Variants in ELN observed in about 807,000 individuals in gnomAD.
ELN encodes elastin.
ELN carries 65 observed loss-of-function variants against 105.8 expected under a neutral mutation model. The observed-to-expected ratio is 0.61, with a 90% confidence interval of 0.50 to 0.75. ELN has a LOEUF of 0.75. Among genes scored for constraint, ELN ranks in the 30% least tolerant of loss-of-function variants. The probability of loss-of-function intolerance (pLI) is 0.00; values close to 1 mark genes in which losing one functional copy is unlikely to be tolerated. For missense variants in ELN, 882 were observed against 969.4 expected (o/e 0.91, Z 1.20); for synonymous variants, 368 against 389.2 (o/e 0.95, Z 0.64).
chr7:74,052,547 T>C (rs1168204328), intron 17 of ELN: 1 of 176,302 alleles, frequency 5.7e-6, no homozygotes, highest in Non-Finnish European at 1.2e-5. Flanking sequence ...ATCATGCCAC[T>C]GCACTCCAGC....
chr7:74,044,644 A>G (rs1434495411), intron 9 of ELN, among the ~76,000 whole-genome samples: 1 of 152,054 alleles, frequency 6.6e-6, no homozygotes, highest in Non-Finnish European at 1.5e-5. Flanking sequence ...CCCACCCAAC[A>G]TGTGACCTCC....
rs544509428 is a variant in ELN at position 74,063,591 on chromosome 7, G to C, written c.1919-30G>C. 47 of 1,614,146 alleles carry C rather than the reference G, an allele frequency of 2.9e-5. No homozygotes were observed. In the East Asian group the frequency reaches 1.0e-3, roughly 36 times the overall value. ...GGCTTCAGTCCCACCTTTCTGACCAGCGGAGTCTAATGCTCAGCTGTCTCC... is the reference window on the plus strand; with the variant it reads ...GGCTTCAGTCCCACCTTTCTGACCACCGGAGTCTAATGCTCAGCTGTCTCC... On this transcript the variant is annotated intron_variant, in intron 28 of 32. Transcript: ENST00000252034. This position sits in a 1 kb window ranked among gnomAD's most constrained non-coding sequence, Gnocchi z 4.1.
chr7:74,043,358 G>C (rs1239173356), intron 8 of ELN, 190 bp downstream of exon 8: 4 of 876,214 alleles, frequency 4.6e-6, no homozygotes, highest in South Asian at 4.4e-5. Flanking sequence ...CCCACTTCCC[G>C]GGCCCTTCTC....
At chr7:74,062,141 T>C (rs1196195545) in intron 26 of ELN, 1 of 152,276 alleles carries the variant, frequency 6.6e-6, no homozygotes, top group Admixed American at 6.5e-5. Context: ...GCAGCGTTGG[T>C]GGGAGGTGGA....
chr7:74,049,593 GCATCCATCCTTC>G (rs1168180040), intron 15 of ELN, among the ~76,000 whole-genome samples: 114 of 115,918 alleles, frequency 9.8e-4, no homozygotes, highest in Non-Finnish European at 1.5e-3. Context: ...CTCCATGCAT[GCATCCATCCTTC>G]CATCCATCCT....
chr7:74,056,580 C>G (rs1245582121), intron 20 of ELN, 92 bp from the exon 21 acceptor site: 10 of 1,605,666 alleles, frequency 6.2e-6, no homozygotes, highest in Non-Finnish European at 8.5e-6. Flanking sequence ...AGGTCGTATC[C>G]ATGCCTTACA....
intron 32 of ELN, among the ~76,000 whole-genome samples, 179 bp from the exon 33 acceptor site, chr7:74,068,478 C>T (rs782397406): frequency 4.7e-4 from 72 of 152,214 alleles, no homozygotes; most frequent in Non-Finnish European, 8.4e-4. Flanking sequence ...GGGCTTCTCC[C>T]GCCCCATCTG....
chr7:74,058,207 C>CCTT (rs782280024), intron 22 of ELN, among the ~76,000 whole-genome samples: 1 of 149,576 alleles, frequency 6.7e-6, no homozygotes, highest in Admixed American at 6.7e-5. Flanking sequence ...CCTTTCTTCT[C>CCTT]CTTCTTCTTC....
rs782526296 is a variant in ELN at position 74,060,153 on chromosome 7, C to T, written c.1590C>T (p.Ser530=). The T allele has an allele frequency of 3.6e-5, 58 of 1,614,026 alleles. No homozygotes were observed. Among genetic ancestry groups the T allele is most frequent in the Non-Finnish European group, 4.6e-5 (54 of 1,180,040 alleles). The stretch of plus-strand genomic sequence containing the variant: ...TCCCTCCCTCAGCTGCAGCAAAATC[C>T]GCTGCCAAGGTGGCTGCCAAAGCCC... The part of the protein sequence containing the change: ...GPGGVAAAAK[S]AAKVAAKAQL... Residue 530 remains serine (S), a synonymous_variant, in exon 24 of 33, where the codon TCC becomes TCT. Coordinates refer to ENST00000252034, the MANE Select transcript of ELN (RefSeq NM_000501.4).
chr7:74,043,750 C>T (rs1165092492), intron 8 of ELN, 129 bp from the exon 9 acceptor site: 12 of 1,238,384 alleles, frequency 9.7e-6, no homozygotes, highest in Non-Finnish European at 1.4e-5. Flanking sequence ...CACGTCTGTC[C>T]CTGGCTGCCC....
At chr7:74,057,607 T>G in intron 21 of ELN, 33 bp from the exon 22 acceptor site, 2 of 1,600,740 alleles carry the variant, frequency 1.2e-6, no homozygotes, top group Non-Finnish European at 1.7e-6. Flanking sequence ...GTGTGAGAGA[T>G]TACTCTCTCA....
intron 17 of ELN, 77 bp from the exon 18 acceptor site, chr7:74,053,086 T>G: frequency 6.2e-7 from 1 of 1,608,720 alleles, no homozygotes; most frequent in South Asian, 1.1e-5. Flanking sequence ...AACTGTCACT[T>G]CCATACTCTA....
intron 25 of ELN, 133 bp from the exon 26 acceptor site, chr7:74,060,968 C>T (rs1796517561): frequency 1.8e-6 from 2 of 1,084,522 alleles, no homozygotes; most frequent in South Asian, 1.3e-5. Context: ...AAGCTCTGTG[C>T]CTGTACAGCT....
rs782498716 is a variant in ELN at position 74,053,161 on chromosome 7, A to T, written c.950-2A>T. 8.1e-6 allele frequency: 13 copies of T among 1,614,052 alleles called. No individual in the cohort carries two copies. The highest frequency in any genetic ancestry group is 1.0e-5 in the Non-Finnish European group (12 of 1,180,026). On this transcript the variant is annotated splice_acceptor_variant, in intron 17 of 32. Transcript: ENST00000252034. LOFTEE classifies it high-confidence loss of function. ...AGGGGAACAATGCTTTTTCTTCCAC[A>T]GGAGCTGCTGCAGGCTTAGTGCCTG... is the stretch of plus-strand genomic sequence containing the variant.
rs782187270 is a variant in ELN, at chr7:74,063,181, G to T, written c.1815G>T (p.Gly605=). The change falls in exon 27 of 33, where the codon GGG becomes GGT. Residue 605 remains glycine, a synonymous_variant. Coordinates refer to ENST00000252034, the MANE Select transcript of ELN (RefSeq NM_000501.4). The surrounding 1 kb of genome is among the most constrained non-coding windows in gnomAD (Gnocchi z 4.1). ...YGAAVPGVLG[G]LGALGGVGIP... ...CAGCAGTGCCTGGGGTCCTTGGAGGGCTCGGGGCTCTCGGTGGAGTAGGCA... is the reference window on the plus strand; with the variant it reads ...CAGCAGTGCCTGGGGTCCTTGGAGGTCTCGGGGCTCTCGGTGGAGTAGGCA... 1.2e-6 allele frequency: 2 copies of T among 1,609,408 alleles called. No individual in the cohort carries two copies. Among genetic ancestry groups the T allele is most frequent in the South Asian group, 1.1e-5 (1 of 89,280 alleles).
At position 74,036,597 on chromosome 7, in the gene ELN, A is replaced by G. The variant is rs782388951; in HGVS notation, c.163+13A>G. The G allele has an allele frequency of 1.7e-5, 27 of 1,613,864 alleles. 1 individual carries two copies. The Middle Eastern group carries it at 9.9e-4, about 59-fold the overall frequency. On this transcript the variant is annotated intron_variant, in intron 3 of 32. Coordinates refer to ENST00000252034, the MANE Select transcript of ELN (RefSeq NM_000501.4). ...CTTGGAGGAGGAGGTGAGCTCAGAAACCACACTTGTTCATCACTGAAAGGG... is the reference window on the plus strand; with the variant it reads ...CTTGGAGGAGGAGGTGAGCTCAGAAGCCACACTTGTTCATCACTGAAAGGG...
Position 74,037,718 on chromosome 7 carries a change from G to A in ELN, c.175G>A (p.Gly59Arg), listed in dbSNP as rs1554666517. ...GALGGGALGP[G>R]GKPLKPVPGG... ...TCTTCCCTCTGCAGCGCTGGGGCCT[G>A]GAGGCAAACCTCTTAAGCCAGGTAA... Residue 59 changes from glycine (G) to arginine (R), a missense_variant, in exon 4 of 33, where the codon GGA becomes AGA. Physicochemically the swap from Gly to Arg is moderately radical, Grantham distance 125. Coordinates refer to ENST00000252034, the MANE Select transcript of ELN (RefSeq NM_000501.4). 1.2e-5 allele frequency: 19 copies of A among 1,612,426 alleles called. No individual in the cohort carries two copies. The highest frequency in any genetic ancestry group is 1.4e-5 in the Non-Finnish European group (17 of 1,179,382).
chr7:74,037,101 G>A (rs1388470800), intron 3 of ELN, among the ~76,000 whole-genome samples: 4 of 151,804 alleles, frequency 2.6e-5, no homozygotes, highest in South Asian at 4.1e-4. Context: ...GATTACAGGC[G>A]TGAGCCACCT....
chr7:74,042,108 A>T (rs1000338009), intron 5 of ELN, among the ~76,000 whole-genome samples: 2 of 151,842 alleles, frequency 1.3e-5, no homozygotes, highest in African/African-American at 2.4e-5. Flanking sequence ...TGTCTAACAC[A>T]TTAACCTCGG....
Sources: allele counts gnomAD v4.1 joint callset (sites outside exome capture counted in the v4.1 genomes callset), GRCh38; gene constraint gnomAD v4.1.1; non-coding constraint Gnocchi (gnomAD v3.1); transcripts MANE v1.5; gene names NCBI Gene and HGNC (gene_info 2026-07-23, HGNC 2026-07-21).